MYO16: variants seen among roughly 807,000 people sequenced by gnomAD.
The protein encoded by MYO16 is unconventional myosin-XVI.
In MYO16, 94 loss-of-function variants were observed where a neutral mutation model predicts 205.3. That is an observed-to-expected ratio of 0.46 (90% CI 0.39 to 0.54). The LOEUF is 0.54. Among genes scored for constraint, MYO16 ranks in the 20% least tolerant of loss-of-function variants. The pLI is 0.00. For synonymous variants in MYO16, 988 were observed against 954.0 expected, an observed-to-expected ratio of 1.04 and a Z score of -0.66; for missense variants, 2,315 against 2,387.5, an observed-to-expected ratio of 0.97 and a Z score of 0.63.
Position 108,820,400 on chromosome 13 carries a change from G to T in MYO16, c.931G>T (p.Glu311Ter). 1 of 1,606,146 alleles carries T rather than the reference G, an allele frequency of 6.2e-7. No homozygotes were observed. The highest frequency in any genetic ancestry group is 8.5e-7 in the Non-Finnish European group (1 of 1,175,948). Residue 311 changes from glutamate (E) to a stop codon, truncating the protein, a stop_gained, in exon 8 of 35, where the codon GAG becomes TAG. Coordinates refer to ENST00000457511, the MANE Select transcript of MYO16 (RefSeq NM_001198950.3). LOFTEE classifies it high-confidence loss of function. ...ANPHLVNCNE[E>*]KASDIAASEF... ...CCCACACCTCGTGAACTGTAATGAG[G>T]AGAAGGCGTCAGGTAGGTTAGGAGC...
chr13:108,949,528 C>A (rs1011005212), intron 16 of MYO16, among the ~76,000 whole-genome samples: 7 of 151,574 alleles, frequency 4.6e-5, no homozygotes, highest in Non-Finnish European at 7.4e-5. Context: ...AAAAAAAATA[C>A]CAATGAAAGA....
rs529869733 is a variant in MYO16, at chr13:108,927,373, C to T, written c.1925+17223C>T. ...CTTGGCGAGTGTCATACCTCTGAGG[C>T]CTTTGACTTCCTGATGCCTCTGGTA... On this transcript the variant is annotated intron_variant, in intron 16 of 34. Coordinates refer to ENST00000457511, the MANE Select transcript of MYO16 (RefSeq NM_001198950.3). 5.3e-5 allele frequency among the ~76,000 whole-genome samples: 8 copies of T among 152,216 alleles called. No homozygotes were observed. In the East Asian group the frequency reaches 1.5e-3, roughly 29 times the overall value.
At chr13:108,943,912 A>T (rs573310832) in intron 16 of MYO16, among the ~76,000 whole-genome samples, 1 of 152,314 alleles carries the variant, frequency 6.6e-6, no homozygotes, top group East Asian at 1.9e-4. Flanking sequence ...AAAATATGTC[A>T]TTGATTCCAG....
intron 27 of MYO16, among the ~76,000 whole-genome samples, chr13:109,074,258 C>T (rs188370294): frequency 6.6e-5 from 10 of 152,308 alleles, no homozygotes; most frequent in Admixed American, 5.9e-4. Context: ...TATAGTGTCA[C>T]TTTCTTACCT....
At chr13:108,869,771 A>C (rs1878956393) in intron 12 of MYO16, among the ~76,000 whole-genome samples, 1 of 146,536 alleles carries the variant, frequency 6.8e-6, no homozygotes, top group African/African-American at 2.5e-5. Context: ...GAAACCACAC[A>C]TAAAAAATCT....
chr13:108,669,186 C>T (rs1314834582), intron 2 of MYO16, among the ~76,000 whole-genome samples: 1 of 152,044 alleles, frequency 6.6e-6, no homozygotes, highest in Non-Finnish European at 1.5e-5. Context: ...GGTCCAATCA[C>T]AAGGAATGAC....
chr13:108,576,425 A>G, the MYO16 span, among the ~76,000 whole-genome samples: 2 of 152,178 alleles, frequency 1.3e-5, no homozygotes, highest in Non-Finnish European at 2.9e-5. Context: ...CCAGCTGGTA[A>G]TATTGTCTTC....
At chr13:108,970,778 C>T (rs763658273) in intron 20 of MYO16, among the ~76,000 whole-genome samples, 21 of 152,190 alleles carry the variant, frequency 1.4e-4, no homozygotes, top group Non-Finnish European at 2.5e-4. Context: ...CCCACCCCCT[C>T]CGATAGTCCA....
chr13:108,664,458 A>C (rs1435010958), intron 1 of MYO16, among the ~76,000 whole-genome samples: 29 of 152,186 alleles, frequency 1.9e-4, no homozygotes, highest in Admixed American at 1.9e-3. Flanking sequence ...ATGCTGGTGC[A>C]CCTGGCGGCT....
chr13:108,580,376 T>C, the MYO16 span, among the ~76,000 whole-genome samples: 1 of 152,214 alleles, frequency 6.6e-6, no homozygotes, highest in Admixed American at 6.5e-5. Flanking sequence ...TTTTTCTCGA[T>C]TTACCAACCT....
chr13:108,627,900 A>G (rs1181028033), upstream of MYO16, among the ~76,000 whole-genome samples: 1 of 152,206 alleles, frequency 6.6e-6, no homozygotes, highest in Non-Finnish European at 1.5e-5. Context: ...TATATAGGCA[A>G]CATACTATTT....
At chr13:108,841,156 T>C (rs1945608639) in intron 9 of MYO16, among the ~76,000 whole-genome samples, 1 of 152,208 alleles carries the variant, frequency 6.6e-6, no homozygotes, top group South Asian at 2.1e-4. Flanking sequence ...AGGAGATACA[T>C]GAATCAAGAC....
chr13:108,736,527 G>A (rs1884706891), intron 4 of MYO16, among the ~76,000 whole-genome samples: 1 of 152,178 alleles, frequency 6.6e-6, no homozygotes, highest in Non-Finnish European at 1.5e-5. Flanking sequence ...CCAGTACCAT[G>A]CTGTTTTGGT....
In MYO16 at chr13:108,840,325, C is replaced by CT. The variant is rs138729654; in HGVS notation, c.1098-4011dup. ...TCAGGCCTGACCTATTTGGTAGTCT[C>CT]TTTTTTTATTCATGCTTTCCTAGGT... On this transcript the variant is annotated intron_variant, in intron 9 of 34. Transcript: ENST00000457511. 5.7e-3 allele frequency among the ~76,000 whole-genome samples: 871 copies of CT among 152,108 alleles called. 3 individuals carry two copies. The highest frequency in any genetic ancestry group is 0.02 in the African/African-American group (822 of 41,514).
chr13:108,935,824 T>A (rs917546494), intron 16 of MYO16, among the ~76,000 whole-genome samples: 5 of 151,884 alleles, frequency 3.3e-5, no homozygotes, highest in Non-Finnish European at 7.4e-5. Flanking sequence ...TGAGGGTTTT[T>A]TTTTTTATCA....
Position 109,140,209 on chromosome 13 carries a change from TG to T in MYO16, c.4052-52del. On this transcript the variant is annotated intron_variant, in intron 31 of 34. Transcript: ENST00000457511. This position sits in a 1 kb window ranked among gnomAD's most constrained non-coding sequence, Gnocchi z 8.0. The stretch of plus-strand genomic sequence containing the variant: ...CCTCCGAGTCGAGCCCCGGGCTTGG[TG>T]GGCACCCGTGGGCCTGGCCTGGCAC... 1 of 1,579,856 alleles carries T rather than the reference TG, an allele frequency of 6.3e-7. No individual in the cohort carries two copies. Among genetic ancestry groups the T allele is most frequent in the South Asian group, 1.1e-5 (1 of 89,452 alleles).
At chr13:108,650,875 G>A (rs190579683) in intron 1 of MYO16, among the ~76,000 whole-genome samples, 17 of 152,204 alleles carry the variant, frequency 1.1e-4, no homozygotes, top group African/African-American at 4.1e-4. Flanking sequence ...AACAGCCATA[G>A]GAGGCAGTTC....
chr13:108,566,742 GA>G, the MYO16 span, among the ~76,000 whole-genome samples: 1 of 58,160 alleles, frequency 1.7e-5, no homozygotes, highest in African/African-American at 9.1e-5. Flanking sequence ...AGGGAGGAAG[GA>G]AGGAAGGAAG....
intron 20 of MYO16, among the ~76,000 whole-genome samples, chr13:108,986,950 G>A (rs1004082420): frequency 3.9e-5 from 6 of 152,174 alleles, no homozygotes; most frequent in Non-Finnish European, 8.8e-5. Context: ...TTTGGGGGCA[G>A]CTTACTTCAC....
Sources: gnomAD v4.1 joint callset for allele counts (sites outside exome capture counted in the v4.1 genomes callset) on GRCh38, gnomAD v4.1.1 for gene constraint, Gnocchi (gnomAD v3.1) non-coding constraint, MANE v1.5 for transcripts, NCBI Gene and HGNC (gene_info 2026-07-23, HGNC 2026-07-21) for gene names.